Variants in WDR7 observed in about 807,000 individuals in gnomAD.
WDR7 encodes the protein WD repeat-containing protein 7.
WDR7 carries 46 observed loss-of-function variants against 169.4 expected under a neutral mutation model. The ratio of observed to expected loss-of-function variants is 0.27; its 90% confidence interval spans 0.21 to 0.35. The LOEUF (loss-of-function observed/expected upper bound fraction) is 0.35. Ranked by LOEUF, WDR7 falls within the 10% of genes least tolerant of loss-of-function variation. The pLI is 1.00. For missense variants in WDR7, 1,534 were observed against 1,859.3 expected (o/e 0.83, Z 3.22); for synonymous variants, 612 against 666.8 (o/e 0.92, Z 1.27).
At chr18:56,653,754 TCTA>T (rs2024707203) in intron 1 of WDR7, among the ~76,000 whole-genome samples, 1 of 152,218 alleles carries the variant, frequency 6.6e-6, no homozygotes, top group Admixed American at 6.5e-5. Context: ...AGAATGTACA[TCTA>T]CTACAGTTTA....
chr18:56,811,695 T>C (rs2145199149), intron 19 of WDR7, among the ~76,000 whole-genome samples: 1 of 152,262 alleles, frequency 6.6e-6, no homozygotes, highest in East Asian at 1.9e-4. Flanking sequence ...TTTTTTTGCT[T>C]ATGGATGTTC....
At chr18:56,998,321 C>G (rs1346984955) in intron 26 of WDR7, among the ~76,000 whole-genome samples, 1 of 152,182 alleles carries the variant, frequency 6.6e-6, no homozygotes, top group African/African-American at 2.4e-5. Flanking sequence ...AGGTCAACTG[C>G]TGCCATCTCT....
At chr18:56,999,877 A>G (rs1265102081) in intron 26 of WDR7, among the ~76,000 whole-genome samples, 1 of 152,150 alleles carries the variant, frequency 6.6e-6, no homozygotes, top group Non-Finnish European at 1.5e-5. Context: ...TTGTCAAGAT[A>G]GTTCTCTGAA....
intron 2 of WDR7, among the ~76,000 whole-genome samples, chr18:56,676,955 CG>C (rs1231986777): frequency 6.6e-6 from 1 of 152,098 alleles, no homozygotes; most frequent in Non-Finnish European, 1.5e-5. Flanking sequence ...CTTATTGTAC[CG>C]TCTGTGTCTT....
chr18:56,795,803 A>G lies in WDR7; in HGVS notation c.3190+14147A>G, dbSNP rs543386313. ...ACTTTTTCTTCTTAGGGTATAAACC[A>G]CTGAAGATGAACAGTTAAATTATTG... On this transcript the variant is annotated intron_variant, in intron 19 of 27. Coordinates refer to ENST00000254442, the MANE Select transcript of WDR7 (RefSeq NM_015285.3). Among the ~76,000 whole-genome samples the G allele has an allele frequency of 2.4e-4, 37 of 152,304 alleles. 1 individual carries two copies. In the South Asian group the frequency reaches 7.7e-3, roughly 32 times the overall value.
rs996402853 is a variant in WDR7, at chr18:56,730,766, AAAAAAAT to A, written c.1775-599_1775-593del. Among the ~76,000 whole-genome samples the A allele has an allele frequency of 5.9e-5, 9 of 152,090 alleles. No homozygotes were observed. In the South Asian group the frequency reaches 8.3e-4, roughly 14 times the overall value. On this transcript the variant is annotated intron_variant, in intron 13 of 27. Coordinates refer to ENST00000254442, the MANE Select transcript of WDR7 (RefSeq NM_015285.3). ...GGGCGACAGAGCGAGATTCTGTCTC[AAAAAAAT>A]AAAAAATAAAAAATAAATAAATAAA...
intron 12 of WDR7, 60 bp from the exon 13 acceptor site, chr18:56,717,904 C>G (rs1384284821): frequency 1.4e-6 from 2 of 1,454,166 alleles, no homozygotes; most frequent in Non-Finnish European, 1.8e-6. Flanking sequence ...TTATTGAAAA[C>G]AGGATCCATT....
At chr18:56,797,561 G>A (rs1053832866) in intron 19 of WDR7, among the ~76,000 whole-genome samples, 2 of 151,736 alleles carry the variant, frequency 1.3e-5, no homozygotes, top group Non-Finnish European at 2.9e-5. Context: ...AATAGGATAT[G>A]TAGGAAAAGG....
chr18:56,969,264 A>T (rs921939695), intron 26 of WDR7, among the ~76,000 whole-genome samples: 3 of 152,170 alleles, frequency 2.0e-5, no homozygotes, highest in Non-Finnish European at 4.4e-5. Flanking sequence ...TACTAAGTTC[A>T]GTTAACTTTT....
In WDR7 at chr18:56,883,729, T is replaced by C. The variant is rs569732603; in HGVS notation, c.3526+3564T>C. 3.9e-5 allele frequency among the ~76,000 whole-genome samples: 6 copies of C among 152,320 alleles called. No individual in the cohort carries two copies. The South Asian group carries it at 1.2e-3, about 32-fold the overall frequency. On this transcript the variant is annotated intron_variant, in intron 21 of 27. Transcript: ENST00000254442. Reference sequence around the variant, plus strand: ...TCTTATGCTTTTGAGACATCATAGCTTAGTTCCCACGTATGAGTGAGAACA... The same window carrying C: ...TCTTATGCTTTTGAGACATCATAGCCTAGTTCCCACGTATGAGTGAGAACA...
At chr18:56,768,483 A>G (rs2145005086) in intron 16 of WDR7, among the ~76,000 whole-genome samples, 1 of 152,192 alleles carries the variant, frequency 6.6e-6, no homozygotes, top group Middle Eastern at 3.4e-3. Flanking sequence ...TTGTCTCCTA[A>G]CAACTCTTGT....
chr18:56,858,952 T>C (rs576088298), intron 20 of WDR7, among the ~76,000 whole-genome samples: 1 of 152,224 alleles, frequency 6.6e-6, no homozygotes, highest in South Asian at 2.1e-4. Context: ...GTAGATGCTA[T>C]GCCAAAAGAC....
At chr18:57,010,300 T>C (rs2048118925) in intron 26 of WDR7, 5 of 984,390 alleles carry the variant, frequency 5.1e-6, no homozygotes, top group Non-Finnish European at 4.8e-6. Context: ...ATATTTCATA[T>C]GAGCAGTGTA....
chr18:56,818,187 C>A (rs923151306), intron 20 of WDR7, among the ~76,000 whole-genome samples: 2 of 152,132 alleles, frequency 1.3e-5, no homozygotes, highest in African/African-American at 2.4e-5. Flanking sequence ...TAAGTCATAG[C>A]AAAAATAAAT....
Position 56,893,084 on chromosome 18 carries a change from TA to T in WDR7, c.3526+12920del, listed in dbSNP as rs1176085554. Among the ~76,000 whole-genome samples the T allele has an allele frequency of 2.0e-5, 3 of 152,236 alleles. No individual in the cohort carries two copies. In the East Asian group the frequency reaches 5.8e-4, roughly 29 times the overall value. On this transcript the variant is annotated intron_variant, in intron 21 of 27. Coordinates refer to ENST00000254442, the MANE Select transcript of WDR7 (RefSeq NM_015285.3). ...CTTTCTGCCAGCCACCTAAAGTATA[TA>T]CTGGTTACTTTGATTCAATTTTTCA...
chr18:56,734,093 A>G (rs952980275), intron 14 of WDR7, among the ~76,000 whole-genome samples: 1 of 152,142 alleles, frequency 6.6e-6, no homozygotes, highest in African/African-American at 2.4e-5. Context: ...GATGTGGAGC[A>G]TTCATTAGTA....
At chr18:56,686,769 A>G in intron 6 of WDR7, 86 bp from the exon 7 acceptor site, 1 of 1,169,950 alleles carries the variant, frequency 8.5e-7, no homozygotes, top group South Asian at 1.3e-5. Flanking sequence ...CGATGCCTTT[A>G]TTTAATTTTG....
chr18:56,743,309 G>T (rs2043648178), intron 14 of WDR7, among the ~76,000 whole-genome samples: 1 of 152,166 alleles, frequency 6.6e-6, no homozygotes, highest in South Asian at 2.1e-4. Flanking sequence ...CTGTGGTGAT[G>T]AGACATCCAA....
At chr18:56,976,251 T>G (rs1236217281) in intron 26 of WDR7, among the ~76,000 whole-genome samples, 1 of 152,060 alleles carries the variant, frequency 6.6e-6, no homozygotes, top group Non-Finnish European at 1.5e-5. Flanking sequence ...ATACATTAAG[T>G]AAAAATAGAA....
Sources: allele counts gnomAD v4.1 joint callset (sites outside exome capture counted in the v4.1 genomes callset), GRCh38; gene constraint gnomAD v4.1.1; transcripts MANE v1.5; gene names NCBI Gene and HGNC (gene_info 2026-07-23, HGNC 2026-07-21).